Variants in BIN1 observed in about 807,000 individuals in gnomAD.
The protein encoded by BIN1 is myc box-dependent-interacting protein 1.
A neutral mutation model predicts 82.0 loss-of-function variants in BIN1; 53 were observed. The observed-to-expected ratio is 0.65, with a 90% CI of 0.52 to 0.81. The LOEUF (loss-of-function observed/expected upper bound fraction) is 0.81. Ranked by LOEUF, BIN1 falls within the 40% of genes least tolerant of loss-of-function variation. The pLI is 0.00. For missense variants in BIN1, 642 were observed against 784.4 expected (o/e 0.82, Z 2.17); for synonymous variants, 302 against 328.0 (o/e 0.92, Z 0.86).
chr2:127,098,047 G>C (rs1679822425), intron 1 of BIN1, among the ~76,000 whole-genome samples: 1 of 152,190 alleles, frequency 6.6e-6, no homozygotes, highest in Admixed American at 6.5e-5. Context: ...TGCAAGGCTG[G>C]GAGCTCCTGA....
chr2:127,072,995 C>CCCAG (rs1686094580), intron 2 of BIN1, among the ~76,000 whole-genome samples: 1 of 152,228 alleles, frequency 6.6e-6, no homozygotes, highest in Admixed American at 6.5e-5. Flanking sequence ...CCTCCACCAT[C>CCCAG]CCAGCCACAC....
At chr2:127,049,955 C>A (rs1682674268) in intron 18 of BIN1, among the ~76,000 whole-genome samples, 1 of 152,226 alleles carries the variant, frequency 6.6e-6, no homozygotes. Context: ...GCAGGGCCCG[C>A]CTCGAGGGAC....
At chr2:127,065,092 A>G (rs370081435) in intron 7 of BIN1, among the ~76,000 whole-genome samples, 10 of 152,246 alleles carry the variant, frequency 6.6e-5, no homozygotes, top group African/African-American at 2.2e-4. Flanking sequence ...ACCACAAAGC[A>G]CACGATTGCC....
At chr2:127,091,561 G>C (rs80065397) in intron 1 of BIN1, among the ~76,000 whole-genome samples, 5 of 152,162 alleles carry the variant, frequency 3.3e-5, no homozygotes, top group Non-Finnish European at 7.3e-5. Flanking sequence ...AGAAGGGGAC[G>C]AGGTGTTTGA....
intron 8 of BIN1, 78 bp from the exon 9 acceptor site, chr2:127,063,724 G>T: frequency 1.3e-6 from 2 of 1,496,562 alleles, no homozygotes; most frequent in South Asian, 2.3e-5. Flanking sequence ...ACCCACGAGC[G>T]ACCACACACG....
intron 2 of BIN1, among the ~76,000 whole-genome samples, chr2:127,071,249 C>A (rs1685855803): frequency 6.6e-6 from 1 of 152,156 alleles, no homozygotes; most frequent in Non-Finnish European, 1.5e-5. Context: ...GACCACCAGG[C>A]CCCCTGCTCC....
intron 15 of BIN1, among the ~76,000 whole-genome samples, chr2:127,051,658 C>T (rs558517302): frequency 3.9e-4 from 59 of 152,214 alleles, no homozygotes; most frequent in Non-Finnish European, 8.1e-4. Context: ...TGGCAGGGGA[C>T]AGCAACACAC....
intron 1 of BIN1, chr2:127,081,926 C>CGG: frequency 7.9e-7 from 1 of 1,260,026 alleles, no homozygotes; most frequent in Non-Finnish European, 1.0e-6. Context: ...AGCCTGCGGT[C>CGG]GGGGGCCACG....
In BIN1 at chr2:127,053,917, C is replaced by T. The variant is rs751173050; in HGVS notation, c.1227G>A (p.Thr409=). Residue 409 remains threonine, a synonymous_variant, in exon 13 of 19, where the codon ACG becomes ACA. Coordinates refer to ENST00000316724, the MANE Select transcript of BIN1 (RefSeq NM_139343.3). ...GGGCACAACCAACCTGACCAGAGGG[C>T]GTGGGTGCCTTCACAGGGCTCGTCA... The part of the protein sequence containing the change: ...PPVTSPVKAP[T]PSGQSIPWDL... The T allele has an allele frequency of 1.1e-5, 17 of 1,551,222 alleles. No homozygotes were observed. The highest frequency in any genetic ancestry group is 5.9e-5 in the South Asian group (5 of 84,038).
At chr2:127,063,876 C>CAGCACGCAGACTGGGCACT in intron 8 of BIN1, 57 bp downstream of exon 8, 1 of 1,603,764 alleles carries the variant, frequency 6.2e-7, no homozygotes, top group African/African-American at 1.3e-5. Flanking sequence ...GACTGGGCAC[C>CAGCACGCAGACTGGGCACT]GCAGCACGCA....
chr2:127,073,521 C>T (rs776571268), intron 2 of BIN1, among the ~76,000 whole-genome samples: 11 of 152,278 alleles, frequency 7.2e-5, no homozygotes, highest in East Asian at 1.9e-4. Flanking sequence ...CCCAAGCCCT[C>T]GCTGCACCTC....
chr2:127,070,543 C>T lies in BIN1; in HGVS notation c.315+10G>A. ...TCTGAGAAGGGCAGGCCCACCTGTC[C>T]CATGCTCACCTCTGCGATCTTGTTT... On this transcript the variant is annotated intron_variant, in intron 4 of 18. Coordinates refer to ENST00000316724, the MANE Select transcript of BIN1 (RefSeq NM_139343.3). 6.2e-7 allele frequency: 1 copy of T among 1,613,942 alleles called. No individual in the cohort carries two copies. The highest frequency in any genetic ancestry group is 1.1e-5 in the South Asian group (1 of 91,068).
At chr2:127,060,548 G>T (rs1311468366) in intron 10 of BIN1, 2 of 1,613,312 alleles carry the variant, frequency 1.2e-6, no homozygotes, top group Non-Finnish European at 1.7e-6. Flanking sequence ...CACAGGGCCA[G>T]CCAGGGCGCG....
rs775494528 is a variant in BIN1 at position 127,057,558 on chromosome 2, G to A, written c.1046C>T (p.Pro349Leu). ...PPVPPPPKHTPSKEVKQEQIL... is the reference protein window; with the variant it reads ...PPVPPPPKHTLSKEVKQEQIL... ...CTGCTCCTGCTTGACTTCCTTGGAC[G>A]GGGTGTGTTTGGGAGGCGGAGGGAC... The change falls in exon 12 of 19, where the codon CCG (proline) becomes CTG (leucine). Residue 349 changes from proline (P) to leucine (L), a missense_variant. Physicochemically the swap from Pro to Leu is moderately conservative, Grantham distance 98 (BLOSUM62 -3). Transcript: ENST00000316724. The surrounding 1 kb of genome is among the most constrained non-coding windows in gnomAD (Gnocchi z 5.0). The A allele has an allele frequency of 7.8e-6, 12 of 1,543,428 alleles. No individual in the cohort carries two copies. Among genetic ancestry groups the A allele is most frequent in the African/African-American group, 2.7e-5 (2 of 72,904 alleles).
At chr2:127,066,671 C>T (rs912107001) in intron 7 of BIN1, among the ~76,000 whole-genome samples, 3 of 152,186 alleles carry the variant, frequency 2.0e-5, no homozygotes, top group Non-Finnish European at 2.9e-5. Flanking sequence ...ACCCCCAGCC[C>T]CTGGTTCCCC....
chr2:127,072,929 T>G (rs1686086424), intron 2 of BIN1, among the ~76,000 whole-genome samples: 1 of 152,200 alleles, frequency 6.6e-6, no homozygotes, highest in Non-Finnish European at 1.5e-5. Context: ...GATGGGATGC[T>G]ATCGTGTCCT....
chr2:127,049,887 C>T (rs1573523792), intron 18 of BIN1, among the ~76,000 whole-genome samples: 8 of 152,200 alleles, frequency 5.3e-5, no homozygotes, highest in Non-Finnish European at 2.9e-5. Flanking sequence ...TGGAAGGCAT[C>T]GTGGGTGAGC....
rs951753359 is a variant in BIN1 at position 127,093,849 on chromosome 2, G to T, written c.84+13011C>A. Among the ~76,000 whole-genome samples the T allele has an allele frequency of 6.6e-6, 1 of 152,114 alleles. No homozygotes were observed. The highest frequency in any genetic ancestry group is 1.5e-5 in the Non-Finnish European group (1 of 68,034). On this transcript the variant is annotated intron_variant, in intron 1 of 18. Coordinates refer to ENST00000316724, the MANE Select transcript of BIN1 (RefSeq NM_139343.3). This position sits in a 1 kb window ranked among gnomAD's most constrained non-coding sequence, Gnocchi z 5.7. ...CCCCTCCCCTTCCTTCCTTCCCAAG[G>T]CCTCAAGCCCTACCATCTGGATCCT...
At chr2:127,103,838 G>A (rs370471591) in intron 1 of BIN1, among the ~76,000 whole-genome samples, 4 of 152,238 alleles carry the variant, frequency 2.6e-5, no homozygotes, top group African/African-American at 4.8e-5. Flanking sequence ...TAGAGGGTTC[G>A]ACAAGCCAAA....
Sources: allele counts gnomAD v4.1 joint callset (sites outside exome capture counted in the v4.1 genomes callset), GRCh38; gene constraint gnomAD v4.1.1; non-coding constraint Gnocchi (gnomAD v3.1); transcripts MANE v1.5; gene names NCBI Gene and HGNC (gene_info 2026-07-23, HGNC 2026-07-21).